SLC39A10: variants seen among roughly 807,000 people sequenced by gnomAD.
The protein encoded by SLC39A10 is solute carrier family 39 member 10, also known as zinc transporter ZIP10.
SLC39A10 carries 13 observed loss-of-function variants against 65.1 expected under a neutral mutation model. The ratio of observed to expected loss-of-function variants is 0.20; its 90% CI spans 0.13 to 0.32. The LOEUF (loss-of-function observed/expected upper bound fraction) is 0.32. Ranked by LOEUF, SLC39A10 falls within the 10% of genes least tolerant of loss-of-function variation. The pLI is 1.00. For synonymous variants in SLC39A10, 321 were observed against 342.2 expected, an observed-to-expected ratio of 0.94 and a Z score of 0.68; for missense variants, 831 against 1,018.4, an observed-to-expected ratio of 0.82 and a Z score of 2.50.
At chr2:195,629,893 ATTTTTTAT>A (rs1274399508) in intron 2 of SLC39A10, among the ~76,000 whole-genome samples, 1 of 151,762 alleles carries the variant, frequency 6.6e-6, no homozygotes, top group African/African-American at 2.4e-5. Context: ...ATGCCTGGCT[ATTTTTTAT>A]TTTTTTATTT....
At chr2:195,657,362 C>T in intron 1 of SLC39A10, 81 bp downstream of exon 1, 2 of 982,864 alleles carry the variant, frequency 2.0e-6, no homozygotes, top group Non-Finnish European at 2.4e-6. Context: ...AGTCCCGGGA[C>T]GGCGTGGGGG....
At chr2:195,722,755 A>T (rs536911689) in intron 8 of SLC39A10, among the ~76,000 whole-genome samples, 1 of 152,318 alleles carries the variant, frequency 6.6e-6, no homozygotes. Context: ...AATTTATTTG[A>T]TCTAAAACCT....
chr2:195,682,591 G>A (rs1220603025), intron 2 of SLC39A10, among the ~76,000 whole-genome samples: 1 of 151,848 alleles, frequency 6.6e-6, no homozygotes, highest in Middle Eastern at 3.2e-3. Flanking sequence ...TTATGACTTA[G>A]GATAATTAAT....
At chr2:195,627,709 A>T (rs917818567) in intron 2 of SLC39A10, among the ~76,000 whole-genome samples, 1 of 152,352 alleles carries the variant, frequency 6.6e-6, no homozygotes, top group Non-Finnish European at 1.5e-5. Context: ...GGAATTGGAA[A>T]CAAGACAGAT....
Position 195,638,964 on chromosome 2 carries a change from GT to G in SLC39A10, c.-12+32736del, listed in dbSNP as rs575564641. 1.6e-3 allele frequency among the ~76,000 whole-genome samples: 209 copies of G among 127,192 alleles called. 1 individual carries two copies. The highest frequency in any genetic ancestry group is 5.2e-3 in the African/African-American group (186 of 35,436). The allele number at this position is 127,192 out of a possible 152,430, so 83.4% of individuals were successfully genotyped here. The stretch of plus-strand genomic sequence containing the variant: ...GATGACCTTGGCAGTTTTTTTTTTT[GT>G]TTTTGTTTTTGAGACAGGGTCATGC... On this transcript the variant is annotated intron_variant, in intron 2 of 2. Transcript: ENST00000458054.
chr2:195,714,995 G>A (rs1574304929), intron 6 of SLC39A10, among the ~76,000 whole-genome samples: 4 of 151,626 alleles, frequency 2.6e-5, no homozygotes, highest in Admixed American at 2.0e-4. Flanking sequence ...CTCGTGATTC[G>A]CCTGCCTCAG....
chr2:195,645,000 C>T, intron 2 of SLC39A10, among the ~76,000 whole-genome samples: 1 of 151,856 alleles, frequency 6.6e-6, no homozygotes, highest in East Asian at 1.9e-4. Context: ...ACCTCTGCCT[C>T]CCAGGTTCAA....
chr2:195,691,947 A>G (rs928037954), intron 3 of SLC39A10, among the ~76,000 whole-genome samples: 34 of 152,172 alleles, frequency 2.2e-4, no homozygotes, highest in South Asian at 4.1e-4. Context: ...GCCTAAGCCA[A>G]TGTCTAGAAG....
intron 3 of SLC39A10, among the ~76,000 whole-genome samples, chr2:195,685,803 A>G (rs1690503609): frequency 6.6e-6 from 1 of 152,222 alleles, no homozygotes; most frequent in Admixed American, 6.5e-5. Context: ...AGTTGCTTTA[A>G]TACAGTGACT....
Position 195,683,854 on chromosome 2 carries a change from A to G in SLC39A10, c.1164A>G (p.Ile388Met), listed in dbSNP as rs1020407444. 2 of 1,613,108 alleles carry G rather than the reference A, an allele frequency of 1.2e-6. No individual in the cohort carries two copies. The highest frequency in any genetic ancestry group is 1.7e-6 in the Non-Finnish European group (2 of 1,179,436). ...EHFDKLLVED[I>M]NKDKNLVPED... ...TTGACAAACTTTTAGTTGAAGATATAAATAAGGATAAAAACCTGGTTCCTG... is the reference window on the plus strand; with the variant it reads ...TTGACAAACTTTTAGTTGAAGATATGAATAAGGATAAAAACCTGGTTCCTG... The change falls in exon 3 of 10, where the codon ATA (isoleucine) becomes ATG (methionine). Residue 388 changes from isoleucine (I) to methionine (M), a missense_variant. By Grantham distance (10) the Ile-to-Met change is conservative (BLOSUM62 1). Coordinates refer to ENST00000359634, the MANE Select transcript of SLC39A10 (RefSeq NM_020342.3).
chr2:195,734,800 T>C lies in SLC39A10; in HGVS notation c.2338-83T>C, dbSNP rs979386127. 5.1e-6 allele frequency: 7 copies of C among 1,371,300 alleles called. No individual in the cohort carries two copies. The African/African-American group carries it at 8.9e-5, about 17-fold the overall frequency. The allele number at this position is 1,371,300 out of a possible 1,614,324, so 84.9% of individuals were successfully genotyped here. A position where few individuals can be genotyped will look rare whatever the true frequency, so the allele number is the denominator to read the frequency against. The stretch of plus-strand genomic sequence containing the variant: ...CTGTAGTTACACTTCAGTCACTAAT[T>C]TTCTTAAGTAGGAAAATGTTTTTAA... On this transcript the variant is annotated intron_variant, in intron 9 of 9. Transcript: ENST00000359634.
At chr2:195,732,926 A>T (rs752010273) in intron 9 of SLC39A10, among the ~76,000 whole-genome samples, 46 of 152,350 alleles carry the variant, frequency 3.0e-4, no homozygotes, top group Admixed American at 1.2e-3. Context: ...AGTTGATTTG[A>T]TAAAGTGATT....
At chr2:195,666,263 G>A (rs2105741628) in intron 1 of SLC39A10, among the ~76,000 whole-genome samples, 1 of 152,284 alleles carries the variant, frequency 6.6e-6, no homozygotes, top group African/African-American at 2.4e-5. Context: ...GATTGACTTG[G>A]AGATTTTTTG....
intron 9 of SLC39A10, among the ~76,000 whole-genome samples, chr2:195,732,771 C>A (rs1471929118): frequency 6.6e-6 from 1 of 152,192 alleles, no homozygotes; most frequent in African/African-American, 2.4e-5. Context: ...CATATGGTTT[C>A]TGTCACAGTT....
upstream of SLC39A10, among the ~76,000 whole-genome samples, chr2:195,651,916 G>T (rs913841229): frequency 2.6e-5 from 4 of 152,160 alleles, no homozygotes; most frequent in African/African-American, 4.8e-5. Flanking sequence ...CTTATTTGAA[G>T]ATATTTTTTT....
upstream of SLC39A10, among the ~76,000 whole-genome samples, chr2:195,654,126 A>G (rs1274563182): frequency 6.6e-6 from 1 of 151,946 alleles, no homozygotes; most frequent in African/African-American, 2.4e-5. Context: ...TTTAGTAGAG[A>G]TGGGGTTTCT....
In SLC39A10 at chr2:195,716,894, C is replaced by T; in HGVS notation, c.1954C>T (p.His652Tyr). 1 of 1,614,196 alleles carries T rather than the reference C, an allele frequency of 6.2e-7. No individual in the cohort carries two copies. Among genetic ancestry groups the T allele is most frequent in the Non-Finnish European group, 8.5e-7 (1 of 1,180,032 alleles). Residue 652 changes from histidine (H) to tyrosine (Y), a missense_variant, in exon 7 of 10, where the codon CAT becomes TAT. By Grantham distance (83) the His-to-Tyr change is moderately conservative. Around this residue, in one of 4 missense-constraint regions of SLC39A10, gnomAD observed 230 missense variants for 242.9 expected, o/e 0.95. Transcript: ENST00000359634. ...QWHHKHSHHS[H>Y]GPCHSGSDLK... is the part of the protein sequence containing the mutation. ...GCACCACAAGCATTCTCATCATTCC[C>T]ATGGCCCCTGTCATTCTGGATCCGA... is the stretch of plus-strand genomic sequence containing the variant.
intron 2 of SLC39A10, among the ~76,000 whole-genome samples, chr2:195,618,018 C>T (rs1204957758): frequency 6.7e-6 from 1 of 149,336 alleles, no homozygotes; most frequent in African/African-American, 2.5e-5. Flanking sequence ...GGATTACAGG[C>T]GTGAGCCACC....
chr2:195,642,388 T>C (rs1387701474), intron 2 of SLC39A10, among the ~76,000 whole-genome samples: 2 of 152,186 alleles, frequency 1.3e-5, no homozygotes, highest in African/African-American at 2.4e-5. Context: ...GAATGCCCCC[T>C]CACTTCTGCT....
Sources: allele counts gnomAD v4.1 joint callset (sites outside exome capture counted in the v4.1 genomes callset), GRCh38; gene constraint gnomAD v4.1.1; regional missense constraint gnomAD v4.1.1; transcripts MANE v1.5; gene names NCBI Gene and HGNC (gene_info 2026-07-23, HGNC 2026-07-21).